The following RNLS variants were observed in gnomAD, a reference collection of about 807,000 sequenced individuals.
RNLS encodes the protein renalase, FAD dependent amine oxidase.
In RNLS, 39 loss-of-function variants were observed where a neutral mutation model predicts 39.8. The observed-to-expected ratio is 0.98, with a 90% CI of 0.76 to 1.28. The LOEUF is 1.28. RNLS is among the 50% of genes most tolerant of loss of function. The pLI is 0.00. For synonymous variants in RNLS, 147 were observed against 150.7 expected (o/e 0.98, Z 0.18); for missense variants, 410 against 413.3 (o/e 0.99, Z 0.07).
At chr10:88,186,903 A>G in the RNLS span, among the ~76,000 whole-genome samples, 1 of 152,122 alleles carries the variant, frequency 6.6e-6, no homozygotes, top group East Asian at 1.9e-4. Context: ...TATACTTTCT[A>G]GAGAGAATCA....
At chr10:88,570,988 T>A (rs200036260) in intron 4 of RNLS, among the ~76,000 whole-genome samples, 1 of 125,168 alleles carries the variant, frequency 8.0e-6, no homozygotes, top group Admixed American at 8.3e-5. Flanking sequence ...TTTTTTGGTT[T>A]GTTTTTTTTT....
chr10:88,250,614 A>G, the RNLS span, among the ~76,000 whole-genome samples: 1 of 152,224 alleles, frequency 6.6e-6, no homozygotes, highest in Non-Finnish European at 1.5e-5. Flanking sequence ...ATTTTTTAGA[A>G]GTCAGAGTCT....
intron 4 of RNLS, among the ~76,000 whole-genome samples, chr10:88,457,923 A>C (rs1842727846): frequency 6.6e-6 from 1 of 152,204 alleles, no homozygotes. Context: ...AGCGTGTCCT[A>C]CCTTGGAAAC....
chr10:88,243,598 C>G, the RNLS span, among the ~76,000 whole-genome samples: 1 of 152,196 alleles, frequency 6.6e-6, no homozygotes, highest in Non-Finnish European at 1.5e-5. Flanking sequence ...TATTTTAATT[C>G]ACAAGAAAAA....
chr10:88,583,090 TC>T lies in RNLS; in HGVS notation c.100del (p.Asp34ThrfsTer10), dbSNP rs777801840. On this transcript the variant is annotated frameshift_variant, in exon 1 of 7. Coordinates refer to ENST00000331772, the MANE Select transcript of RNLS (RefSeq NM_001031709.3). LOFTEE classifies it high-confidence loss of function. ...CAACCCACCTGAGTCCTCAGCCTTG[TC>T]CCACACAGCAAGGTACAAGGGACCG... ...TSGPLYLAVW[D>X]KAEDSGGRMT... 4 of 1,613,900 alleles carry T rather than the reference TC, an allele frequency of 2.5e-6. No homozygotes were observed. The Admixed American group carries it at 6.7e-5, about 27-fold the overall frequency.
At chr10:88,342,092 G>C (rs143124686) in intron 5 of RNLS, among the ~76,000 whole-genome samples, 88 of 152,280 alleles carry the variant, frequency 5.8e-4, no homozygotes, top group African/African-American at 2.0e-3. Context: ...GGAAAGTAAA[G>C]TGTATCAACC....
chr10:88,182,351 C>A, the RNLS span, among the ~76,000 whole-genome samples: 1 of 152,186 alleles, frequency 6.6e-6, no homozygotes, highest in African/African-American at 2.4e-5. Flanking sequence ...AAGTTTAAAA[C>A]AATATTAGGT....
intron 4 of RNLS, among the ~76,000 whole-genome samples, chr10:88,498,860 CT>C (rs34251575): frequency 6.6e-6 from 1 of 151,966 alleles, no homozygotes. Flanking sequence ...CTTTGTAAAT[CT>C]TTTTCGAAGT....
intron 4 of RNLS, among the ~76,000 whole-genome samples, chr10:88,448,749 C>T (rs982045739): frequency 6.6e-6 from 1 of 152,168 alleles, no homozygotes; most frequent in Non-Finnish European, 1.5e-5. Context: ...TGGAACCAAC[C>T]CACATATCCA....
the RNLS span, among the ~76,000 whole-genome samples, chr10:88,236,637 A>G: frequency 2.0e-5 from 3 of 152,224 alleles, no homozygotes; most frequent in Admixed American, 2.0e-4. Context: ...CAGTTTCTTC[A>G]TACATTAAAT....
the RNLS span, among the ~76,000 whole-genome samples, chr10:88,234,127 C>T: frequency 2.0e-5 from 3 of 150,408 alleles, no homozygotes; most frequent in African/African-American, 7.3e-5. Flanking sequence ...CCAAGCTCTG[C>T]AGGACCAAGT....
intron 4 of RNLS, among the ~76,000 whole-genome samples, chr10:88,392,906 C>G (rs549670212): frequency 2.6e-5 from 4 of 152,100 alleles, no homozygotes; most frequent in Admixed American, 1.3e-4. Context: ...AAATGTAATC[C>G]AGCATATAAA....
intron 4 of RNLS, among the ~76,000 whole-genome samples, chr10:88,492,572 C>A (rs749646496): frequency 5.9e-5 from 9 of 151,866 alleles, no homozygotes; most frequent in Non-Finnish European, 1.2e-4. Flanking sequence ...GTGTGCACCA[C>A]CATGCCTGGC....
At chr10:88,395,483 C>T (rs934288086) in intron 4 of RNLS, among the ~76,000 whole-genome samples, 10 of 151,586 alleles carry the variant, frequency 6.6e-5, no homozygotes, top group South Asian at 4.2e-4. Context: ...TAGAGGGGCT[C>T]GATAGAAGAT....
the RNLS span, among the ~76,000 whole-genome samples, chr10:88,197,395 GC>G: frequency 6.6e-6 from 1 of 152,076 alleles, no homozygotes; most frequent in African/African-American, 2.4e-5. Flanking sequence ...ACTTCCTGGG[GC>G]CCGGCTGTTG....
intron 3 of RNLS, among the ~76,000 whole-genome samples, chr10:88,578,639 A>G (rs1391582228): frequency 6.6e-6 from 1 of 152,176 alleles, no homozygotes; most frequent in Non-Finnish European, 1.5e-5. Flanking sequence ...AACTTGATAT[A>G]AAATAAATTT....
At chr10:88,535,015 G>A (rs984940489) in intron 4 of RNLS, among the ~76,000 whole-genome samples, 3 of 152,128 alleles carry the variant, frequency 2.0e-5, no homozygotes, top group African/African-American at 7.2e-5. Context: ...GGGTCCCTGA[G>A]TGTCAGTTAT....
chr10:88,317,657 G>A (rs781118364), intron 5 of RNLS, among the ~76,000 whole-genome samples: 6 of 152,186 alleles, frequency 3.9e-5, no homozygotes, highest in Non-Finnish European at 5.9e-5. Flanking sequence ...TTCTATAACA[G>A]TCACCATCAA....
chr10:88,260,916 T>G, the RNLS span, among the ~76,000 whole-genome samples: 2 of 152,230 alleles, frequency 1.3e-5, no homozygotes, highest in East Asian at 3.8e-4. Context: ...TGTTCTTTAT[T>G]GCTTTCAGCA....
Sources: allele counts gnomAD v4.1 joint callset (sites outside exome capture counted in the v4.1 genomes callset), GRCh38; gene constraint gnomAD v4.1.1; transcripts MANE v1.5; gene names NCBI Gene and HGNC (gene_info 2026-07-23, HGNC 2026-07-21).